Variants in NID2 observed in about 807,000 individuals in gnomAD.
NID2 encodes the protein nidogen 2, also known as nidogen-2.
In NID2, 83 loss-of-function variants were observed where a neutral mutation model predicts 145.4. The observed-to-expected ratio is 0.57, with a 90% confidence interval of 0.48 to 0.69. NID2 has a LOEUF of 0.69. Among genes scored for constraint, NID2 ranks in the 30% least tolerant of loss-of-function variants. The pLI is 0.00. For synonymous variants in NID2, 739 were observed against 701.3 expected (o/e 1.05, Z -0.85); for missense variants, 1,807 against 1,765.7 (o/e 1.02, Z -0.42).
chr14:52,034,284 C>G (rs543122960), intron 9 of NID2, among the ~76,000 whole-genome samples: 1 of 140,168 alleles, frequency 7.1e-6, no homozygotes, highest in Non-Finnish European at 1.6e-5. Flanking sequence ...GTTCCAGAAT[C>G]TGAATGGGAC....
At position 52,040,786 on chromosome 14, in the gene NID2, G is replaced by C. The variant is rs775569234; in HGVS notation, c.1891C>G (p.Gln631Glu). 3 of 1,614,172 alleles carry C rather than the reference G, an allele frequency of 1.9e-6. No individual in the cohort carries two copies. Among genetic ancestry groups the C allele is most frequent in the Non-Finnish European group, 2.5e-6 (3 of 1,180,036 alleles). Residue 631 changes from glutamine (Q) to glutamate (E), a missense_variant, in exon 8 of 22, where the codon CAA (glutamine) becomes GAA (glutamate). By Grantham distance (29) the Gln-to-Glu change is conservative (BLOSUM62 2). Coordinates refer to ENST00000216286, the MANE Select transcript of NID2 (RefSeq NM_007361.4). ...YPGEETVRIT[Q>E]TAEGLDPENY... ...TCTGGGTCAAGTCCCTCAGCAGTTT[G>C]AGTGATACGAACCGTCTCCTCTCCC...
chr14:52,053,335 C>G lies in NID2; in HGVS notation c.1429+244G>C, dbSNP rs28721343. On this transcript the variant is annotated intron_variant, in intron 5 of 21. Transcript: ENST00000216286. ...AAACCCAGTTTTCCCCCACTCACTT[C>G]ATGAGGCCCATATTTTAAAAAAACA... 7.2e-3 allele frequency among the ~76,000 whole-genome samples: 1,093 copies of G among 152,342 alleles called. 18 individuals carry two copies. Among genetic ancestry groups the G allele is most frequent in the African/African-American group, 0.025 (1,042 of 41,566 alleles).
Position 52,053,891 on chromosome 14 carries a change from C to T in NID2, c.1117G>A (p.Glu373Lys). The part of the protein sequence containing the change: ...PHTKEGTSLG[E>K]VGGPDLKGQV... Reference sequence around the variant, plus strand: ...CCTTTTAAATCTGGGCCCCCTACCTCTCCCAGAGATGTTCCTTCTTTGGTG... The same window carrying T: ...CCTTTTAAATCTGGGCCCCCTACCTTTCCCAGAGATGTTCCTTCTTTGGTG... The change falls in exon 5 of 22, where the codon GAG becomes AAG. Residue 373 changes from glutamate to lysine, a missense_variant. Coordinates refer to ENST00000216286, the MANE Select transcript of NID2 (RefSeq NM_007361.4). 6.2e-7 allele frequency: 1 copy of T among 1,614,090 alleles called. No homozygotes were observed.
Position 52,011,758 on chromosome 14 carries a change from A to G in NID2, c.3421-75T>C, listed in dbSNP as rs1891039355. On this transcript the variant is annotated intron_variant, in intron 16 of 21. Transcript: ENST00000216286. ...TTGTTCACACTCAGCTGCCTTGCTC[A>G]TGCACAGCTGCAGTGAGCAACACTG... The G allele has an allele frequency of 7.7e-6, 12 of 1,556,790 alleles. No homozygotes were observed. The South Asian group carries it at 1.4e-4, about 18-fold the overall frequency.
At chr14:52,027,942 A>G (rs934872911) in intron 11 of NID2, among the ~76,000 whole-genome samples, 1 of 151,982 alleles carries the variant, frequency 6.6e-6, no homozygotes, top group African/African-American at 2.4e-5. Context: ...ATGAATTGGG[A>G]TAGTTCTTTT....
Position 52,030,494 on chromosome 14 carries a change from AAAGAAAGAGAAAGAAAG to A in NID2, c.2258-821_2258-805del, listed in dbSNP as rs1566755269. 4.9e-3 allele frequency among the ~76,000 whole-genome samples: 205 copies of A among 41,960 alleles called. 11 individuals are homozygous for A. Among genetic ancestry groups the A allele is most frequent in the Middle Eastern group, 0.01 (1 of 98 alleles). 27.5% of individuals were successfully genotyped at this position (41,960 alleles called of 152,430 possible). A position where few individuals can be genotyped will look rare whatever the true frequency, so the allele number is the denominator to read the frequency against. On this transcript the variant is annotated intron_variant, in intron 9 of 21. Coordinates refer to ENST00000216286, the MANE Select transcript of NID2 (RefSeq NM_007361.4). Reference sequence around the variant, plus strand: ...CTCGAGAGAAAGAAAAGAAAGAAAGAAAGAAAGAGAAAGAAAGAAAGAAAAGAAAGAAAGAAAGAAAG... The same window carrying A: ...CTCGAGAGAAAGAAAAGAAAGAAAGAAAAGAAAAGAAAGAAAGAAAGAAAG...
chr14:52,029,846 T>C (rs552507423), intron 9 of NID2, among the ~76,000 whole-genome samples, 156 bp from the exon 10 acceptor site: 4 of 152,374 alleles, frequency 2.6e-5, no homozygotes, highest in African/African-American at 7.2e-5. Flanking sequence ...GGGTGGATTT[T>C]CTGCACTTCA....
At chr14:52,041,990 A>T in intron 7 of NID2, 115 bp downstream of exon 7, 1 of 1,296,774 alleles carries the variant, frequency 7.7e-7, no homozygotes, top group Non-Finnish European at 1.0e-6. Flanking sequence ...ATGTGGCTCT[A>T]GTACATTAAA....
intron 3 of NID2, among the ~76,000 whole-genome samples, chr14:52,055,071 T>C (rs1456997272): frequency 1.3e-5 from 2 of 152,224 alleles, no homozygotes; most frequent in African/African-American, 4.8e-5. Context: ...CTTTCATGAA[T>C]TGGTGATGCC....
intron 9 of NID2, among the ~76,000 whole-genome samples, chr14:52,035,006 G>C (rs976909773): frequency 2.9e-5 from 1 of 34,134 alleles, no homozygotes; most frequent in Non-Finnish European, 5.8e-5. Context: ...GAGAAAAATG[G>C]AGCAGAAAGT....
chr14:52,025,418 T>A (rs1452477438), intron 12 of NID2, among the ~76,000 whole-genome samples: 7 of 152,220 alleles, frequency 4.6e-5, no homozygotes, highest in Non-Finnish European at 8.8e-5. Context: ...AGGTCCATAG[T>A]CTTCTTACAT....
intron 9 of NID2, among the ~76,000 whole-genome samples, chr14:52,035,856 G>GTGTATATATATATATA (rs763855059): frequency 7.7e-4 from 50 of 65,292 alleles, no homozygotes; most frequent in Admixed American, 2.4e-3. Flanking sequence ...ATTTTTTTGT[G>GTGTATATATATATATA]TATATATATA....
chr14:52,067,847 T>C lies in NID2; in HGVS notation c.534+11A>G, dbSNP rs1454685131. On this transcript the variant is annotated intron_variant, in intron 2 of 21. Transcript: ENST00000216286. ...AATTTCCTCAGCAGTCAAATATCCC[T>C]GGTCACTTACCTCTCCCGAGGGCAG... 6.2e-7 allele frequency: 1 copy of C among 1,610,996 alleles called. No homozygotes were observed. Among genetic ancestry groups the C allele is most frequent in the Non-Finnish European group, 8.5e-7 (1 of 1,179,876 alleles).
chr14:52,055,138 C>T (rs1329981549), intron 3 of NID2, among the ~76,000 whole-genome samples: 1 of 152,138 alleles, frequency 6.6e-6, no homozygotes, highest in Non-Finnish European at 1.5e-5. Context: ...TAGAGGTGAT[C>T]ATATTCAATT....
At chr14:52,046,705 C>T (rs1892509478) in intron 5 of NID2, among the ~76,000 whole-genome samples, 1 of 152,154 alleles carries the variant, frequency 6.6e-6, no homozygotes, top group African/African-American at 2.4e-5. Flanking sequence ...AGCAGGCTCC[C>T]ATGAAAGGCT....
chr14:52,011,591 C>T lies in NID2; in HGVS notation c.3513G>A (p.Leu1171=), dbSNP rs753861608. The T allele has an allele frequency of 6.2e-6, 10 of 1,614,090 alleles. No homozygotes were observed. Among genetic ancestry groups the T allele is most frequent in the Non-Finnish European group, 8.5e-6 (10 of 1,180,044 alleles). The change falls in exon 17 of 22, where the codon CTG becomes CTA. Residue 1171 remains leucine (L), a synonymous_variant. Coordinates refer to ENST00000216286, the MANE Select transcript of NID2 (RefSeq NM_007361.4). ...TCGTCTCAGGCTCTGCTCCCAGTTC[C>T]AGACCAGCACGGCTGATTGTCCGTC... ...VAGRTISRAG[L]ELGAEPETIV... is the part of the protein sequence containing the mutation.
Position 52,054,025 on chromosome 14 carries a change from A to G in NID2, c.1064T>C (p.Leu355Ser), listed in dbSNP as rs1401605875. ...SFQSKVDTKP[L>S]EESSTLDPHT... ...ATCTGGAGGGGAGATCCTACCCTCTAAAGGCTTTGTATCCACTTTGGATTG... is the reference window on the plus strand; with the variant it reads ...ATCTGGAGGGGAGATCCTACCCTCTGAAGGCTTTGTATCCACTTTGGATTG... The change falls in exon 4 of 22, where the codon TTA becomes TCA. Residue 355 changes from leucine (L) to serine (S), a missense_variant. Leu to Ser is a moderately radical substitution (Grantham distance 145, BLOSUM62 -2). Transcript: ENST00000216286. 6.2e-7 allele frequency: 1 copy of G among 1,613,592 alleles called. No homozygotes were observed. Among genetic ancestry groups the G allele is most frequent in the Non-Finnish European group, 8.5e-7 (1 of 1,179,738 alleles).
At chr14:52,033,679 G>C (rs923282012) in intron 9 of NID2, among the ~76,000 whole-genome samples, 1 of 152,192 alleles carries the variant, frequency 6.6e-6, no homozygotes. Flanking sequence ...TACCAAGAGG[G>C]GAAAGAAAAA....
chr14:52,006,770 C>G (rs1890801723), intron 19 of NID2, 110 bp from the exon 20 acceptor site: 1 of 1,187,922 alleles, frequency 8.4e-7, no homozygotes, highest in Admixed American at 2.1e-5. Context: ...TATTTTACTT[C>G]CATTACAGTC....
Sources: gnomAD v4.1 joint callset for allele counts (sites outside exome capture counted in the v4.1 genomes callset) on GRCh38, gnomAD v4.1.1 for gene constraint, MANE v1.5 for transcripts, NCBI Gene and HGNC (gene_info 2026-07-23, HGNC 2026-07-21) for gene names.